FAM131B: variants seen among roughly 807,000 people sequenced by gnomAD.
The protein encoded by FAM131B is protein FAM131B.
A neutral mutation model predicts 42.0 loss-of-function variants in FAM131B; 19 were observed. The observed-to-expected ratio is 0.45, with a 90% CI of 0.32 to 0.66. The LOEUF (loss-of-function observed/expected upper bound fraction) is 0.66, where lower values mean the gene tolerates loss of function less well. FAM131B is among the 30% of genes least tolerant of loss of function. The pLI is 0.05. For missense variants in FAM131B, 370 were observed against 468.4 expected (o/e 0.79, Z 1.94); for synonymous variants, 183 against 177.6 (o/e 1.03, Z -0.24).
chr7:143,380,018 C>T, the FAM131B span: 3 of 968,086 alleles, frequency 3.1e-6, no homozygotes, highest in African/African-American at 5.3e-5. The surrounding 1 kb of genome is among the most constrained non-coding windows in gnomAD (Gnocchi z 5.0). Flanking sequence ...TAAAACATGG[C>T]CCAGGTGCTC....
At chr7:143,357,175 G>T in intron 6 of FAM131B, 105 bp downstream of exon 6, 1 of 1,301,128 alleles carries the variant, frequency 7.7e-7, no homozygotes, top group South Asian at 1.3e-5. Context: ...TGGGAAAGCT[G>T]AGATGGACAA....
At chr7:143,360,005 A>G (rs1364906673) in intron 2 of FAM131B, 35 bp downstream of exon 2, 4 of 1,492,510 alleles carry the variant, frequency 2.7e-6, no homozygotes, top group Non-Finnish European at 3.7e-6. Context: ...AAGTGCAGGC[A>G]GCCAGAGACT....
chr7:143,366,419 C>G (rs1344669792), upstream of FAM131B, among the ~76,000 whole-genome samples: 1 of 152,130 alleles, frequency 6.6e-6, no homozygotes, highest in Non-Finnish European at 1.5e-5. Context: ...GATCAGTCAG[C>G]TTTGGGGCAC....
rs1803559646 is a variant in FAM131B, at chr7:143,354,324, G to C, written c.*2226C>G. The C allele has an allele frequency of 6.6e-6, 1 of 152,196 alleles. No individual in the cohort carries two copies. Among genetic ancestry groups the C allele is most frequent in the African/African-American group, 2.4e-5 (1 of 41,440 alleles). 9.4% of individuals were successfully genotyped at this position (152,196 alleles called of 1,614,324 possible). The stretch of plus-strand genomic sequence containing the variant: ...GGGAAGGAGGAACGAAAGCTGCTGT[G>C]GTCTACCTTTCCTAACTCCCCCGGG... On this transcript the variant is annotated 3_prime_UTR_variant, in exon 7 of 7. Transcript: ENST00000443739.
At chr7:143,362,927 C>T (rs1009294118), upstream of FAM131B, among the ~76,000 whole-genome samples, 9 of 151,738 alleles carry the variant, frequency 5.9e-5, no homozygotes, top group Non-Finnish European at 1.2e-4. This position sits in a 1 kb window ranked among gnomAD's most constrained non-coding sequence, Gnocchi z 7.7. Context: ...GGGCCGCCGT[C>T]GCCGCCCCCC....
At chr7:143,381,854 T>G in the FAM131B span, 2 of 1,382,800 alleles carry the variant, frequency 1.4e-6, no homozygotes, top group Non-Finnish European at 1.9e-6. Flanking sequence ...AATTTGGGGA[T>G]GTCTGGAAAG....
At chr7:143,381,852 G>C in the FAM131B span, 2 of 1,391,158 alleles carry the variant, frequency 1.4e-6, no homozygotes. Context: ...GGAATTTGGG[G>C]ATGTCTGGAA....
At position 143,356,030 on chromosome 7, in the gene FAM131B, C is replaced by T. The variant is rs760343097; in HGVS notation, c.*520G>A. The T allele has an allele frequency of 1.9e-5, 3 of 160,952 alleles. No individual in the cohort carries two copies. Among genetic ancestry groups the T allele is most frequent in the East Asian group, 1.8e-4 (1 of 5,450 alleles). 10.0% of individuals were successfully genotyped at this position (160,952 alleles called of 1,614,324 possible). On this transcript the variant is annotated 3_prime_UTR_variant, in exon 7 of 7. Coordinates refer to ENST00000443739, the MANE Select transcript of FAM131B (RefSeq NM_001031690.3). The surrounding 1 kb of genome is among the most constrained non-coding windows in gnomAD (Gnocchi z 4.4). ...CGTGCCCTTCAGGCAGCCTCCCCTG[C>T]GCCTGTCCAGCCATGTCCAACAGCC...
intron 5 of FAM131B, 81 bp from the exon 6 acceptor site, chr7:143,357,504 C>T (rs1024834877): frequency 2.5e-6 from 3 of 1,177,486 alleles, no homozygotes; most frequent in Non-Finnish European, 3.5e-6. Flanking sequence ...CATCTTAGTG[C>T]AGCACTGTTC....
chr7:143,370,434 G>T, the FAM131B span, among the ~76,000 whole-genome samples: 1 of 152,314 alleles, frequency 6.6e-6, no homozygotes, highest in African/African-American at 2.4e-5. Flanking sequence ...GACCTGCTGG[G>T]CTGTGTTCCC....
chr7:143,371,157 T>G, the FAM131B span, among the ~76,000 whole-genome samples: 1 of 152,130 alleles, frequency 6.6e-6, no homozygotes, highest in Non-Finnish European at 1.5e-5. Context: ...CCTCTCTAGG[T>G]TCTACGATCC....
chr7:143,364,012 T>C (rs190910301), upstream of FAM131B: 8 of 152,312 alleles, frequency 5.3e-5, no homozygotes, highest in Admixed American at 1.3e-4. Context: ...ACAGAATCCA[T>C]CTTCGGTGTA....
chr7:143,374,886 T>C, the FAM131B span, among the ~76,000 whole-genome samples: 32 of 152,332 alleles, frequency 2.1e-4, no homozygotes, highest in African/African-American at 6.5e-4. Flanking sequence ...ACATCTCCCA[T>C]GTACAGGCTC....
At chr7:143,364,273 A>G (rs1359346687), upstream of FAM131B, 1 of 144,678 alleles carries the variant, frequency 6.9e-6, no homozygotes, top group Non-Finnish European at 1.5e-5. Context: ...AAAGGAAAGA[A>G]GATGGAGAGA....
chr7:143,370,038 A>G, the FAM131B span, among the ~76,000 whole-genome samples: 1 of 152,228 alleles, frequency 6.6e-6, no homozygotes, highest in Non-Finnish European at 1.5e-5. Flanking sequence ...CTTTAACTTA[A>G]AGAAGAATTT....
chr7:143,381,298 T>A, the FAM131B span: 1 of 1,095,656 alleles, frequency 9.1e-7, no homozygotes, highest in Non-Finnish European at 1.1e-6. Flanking sequence ...CCCTCCTCCT[T>A]CCGTGTGTCC....
At chr7:143,373,475 G>A in the FAM131B span, among the ~76,000 whole-genome samples, 1 of 152,214 alleles carries the variant, frequency 6.6e-6, no homozygotes, top group Admixed American at 6.5e-5. Flanking sequence ...GGGATTTTAG[G>A]AAGGAGGGAG....
the FAM131B span, among the ~76,000 whole-genome samples, chr7:143,376,061 G>A: frequency 6.6e-6 from 1 of 152,182 alleles, no homozygotes. Context: ...CCCTTGGGAT[G>A]AGGGGACTCC....
At chr7:143,374,216 A>T in the FAM131B span, among the ~76,000 whole-genome samples, 1 of 152,244 alleles carries the variant, frequency 6.6e-6, no homozygotes, top group South Asian at 2.1e-4. Context: ...GCGCCTACTC[A>T]TTCTCAGTAC....
Sources: allele counts gnomAD v4.1 joint callset (sites outside exome capture counted in the v4.1 genomes callset), GRCh38; gene constraint gnomAD v4.1.1; non-coding constraint Gnocchi (gnomAD v3.1); transcripts MANE v1.5; gene names NCBI Gene and HGNC (gene_info 2026-07-23, HGNC 2026-07-21).